The following DIPK1A variants were observed in gnomAD, a reference collection of about 807,000 sequenced individuals.
DIPK1A encodes the protein family with sequence similarity 69 member A.
DIPK1A carries 27 observed loss-of-function variants against 40.8 expected under a neutral mutation model. That is an observed-to-expected ratio of 0.66 (90% CI 0.49 to 0.91). The LOEUF is 0.91. Among genes scored for constraint, DIPK1A ranks in the 40% least tolerant of loss-of-function variants. DIPK1A has a pLI of 0.00. For missense variants in DIPK1A, 412 were observed against 505.7 expected (o/e 0.81, Z 1.78); for synonymous variants, 166 against 171.3 (o/e 0.97, Z 0.24).
At position 92,896,761 on chromosome 1, in the gene DIPK1A, C is replaced by G. The variant is rs199779828; in HGVS notation, c.55-20331G>C. Among the ~76,000 whole-genome samples, 472 of 151,238 alleles carry G rather than the reference C, an allele frequency of 3.1e-3. 4 individuals carry two copies. Among genetic ancestry groups the G allele is most frequent in the African/African-American group, 0.011 (458 of 40,824 alleles). On this transcript the variant is annotated intron_variant, in intron 1 of 4. Transcript: ENST00000370310. Reference sequence around the variant, plus strand: ...AATTTTTGCAATCTACTCATCTGACCAAGGGCTAATATCCAGAATCTACAA... The same window carrying G: ...AATTTTTGCAATCTACTCATCTGACGAAGGGCTAATATCCAGAATCTACAA...
At chr1:92,954,624 C>G (rs1303122032) in intron 1 of DIPK1A, among the ~76,000 whole-genome samples, 1 of 152,066 alleles carries the variant, frequency 6.6e-6, no homozygotes, top group Non-Finnish European at 1.5e-5. Flanking sequence ...ATCCACCTGC[C>G]TCAGCCTCTC....
intron 4 of DIPK1A, chr1:92,833,731 G>T: frequency 8.0e-7 from 1 of 1,247,610 alleles, no homozygotes; most frequent in African/African-American, 1.5e-5. Context: ...AAAGCACATG[G>T]TGTGTGTGTT....
At chr1:92,937,696 T>C (rs914394810) in intron 1 of DIPK1A, among the ~76,000 whole-genome samples, 1 of 152,182 alleles carries the variant, frequency 6.6e-6, no homozygotes, top group Non-Finnish European at 1.5e-5. Flanking sequence ...ACTGTAATTA[T>C]ACCATATACA....
chr1:92,937,505 C>T (rs999983398), intron 1 of DIPK1A, among the ~76,000 whole-genome samples: 1 of 152,024 alleles, frequency 6.6e-6, no homozygotes, highest in Non-Finnish European at 1.5e-5. Flanking sequence ...AATGGTGATC[C>T]GGAAAGAAAA....
At chr1:92,890,025 A>G (rs1648787789) in intron 1 of DIPK1A, among the ~76,000 whole-genome samples, 1 of 151,828 alleles carries the variant, frequency 6.6e-6, no homozygotes, top group Non-Finnish European at 1.5e-5. Flanking sequence ...GAGATCTTTC[A>G]TCTCCTTAAA....
At chr1:92,862,477 A>G (rs970940656) in intron 2 of DIPK1A, among the ~76,000 whole-genome samples, 8 of 152,062 alleles carry the variant, frequency 5.3e-5, no homozygotes, top group African/African-American at 1.9e-4. Context: ...TATTTCCTTC[A>G]TATCCTTTGA....
chr1:92,921,875 T>C (rs1396768271), intron 1 of DIPK1A, among the ~76,000 whole-genome samples: 1 of 152,192 alleles, frequency 6.6e-6, no homozygotes, highest in Admixed American at 6.5e-5. Flanking sequence ...TTGAAGGTCA[T>C]CAGAATGTGC....
intron 1 of DIPK1A, among the ~76,000 whole-genome samples, chr1:92,940,646 G>T (rs1651117411): frequency 6.6e-6 from 1 of 152,184 alleles, no homozygotes; most frequent in Non-Finnish European, 1.5e-5. Flanking sequence ...CAAATAATTT[G>T]AAAACTATAT....
intron 1 of DIPK1A, among the ~76,000 whole-genome samples, chr1:92,894,335 C>G (rs1283479291): frequency 2.0e-5 from 3 of 152,064 alleles, no homozygotes; most frequent in Non-Finnish European, 4.4e-5. Context: ...AACTAGAACT[C>G]AGGATTAAGA....
rs140815121 is a variant in DIPK1A at position 92,891,051 on chromosome 1, G to A, written c.55-14621C>T. Among the ~76,000 whole-genome samples the A allele has an allele frequency of 2.6e-5, 4 of 152,180 alleles. 1 individual carries two copies. The highest frequency in any genetic ancestry group is 9.6e-5 in the African/African-American group (4 of 41,528). ...CTTCTTGGTTCAATCTTGGTAGAATGTTTATGTCCAAAAATTTATCCATTT... is the reference window on the plus strand; with the variant it reads ...CTTCTTGGTTCAATCTTGGTAGAATATTTATGTCCAAAAATTTATCCATTT... On this transcript the variant is annotated intron_variant, in intron 1 of 4. Coordinates refer to ENST00000370310, the MANE Select transcript of DIPK1A (RefSeq NM_001006605.5).
rs960956112 is a variant in DIPK1A at position 92,878,297 on chromosome 1, C to A, written c.55-1867G>T. 1.1e-4 allele frequency among the ~76,000 whole-genome samples: 17 copies of A among 152,308 alleles called. No homozygotes were observed. In the East Asian group the frequency reaches 3.3e-3, roughly 29 times the overall value. On this transcript the variant is annotated intron_variant, in intron 1 of 4. Coordinates refer to ENST00000370310, the MANE Select transcript of DIPK1A (RefSeq NM_001006605.5). Reference sequence around the variant, plus strand: ...TATTAGGCTAGATCTGTAATCCCAGCACTTTCGGAGGCTGAGGTAGGAGAA... The same window carrying A: ...TATTAGGCTAGATCTGTAATCCCAGAACTTTCGGAGGCTGAGGTAGGAGAA...
At chr1:92,850,820 C>G in intron 3 of DIPK1A, 28 bp downstream of exon 3, 1 of 1,360,576 alleles carries the variant, frequency 7.3e-7, no homozygotes, top group South Asian at 1.3e-5. Context: ...CACTATAATT[C>G]TGGAATGTTT....
At chr1:92,917,955 A>G (rs1024657909) in intron 1 of DIPK1A, among the ~76,000 whole-genome samples, 9 of 152,330 alleles carry the variant, frequency 5.9e-5, no homozygotes, top group African/African-American at 2.2e-4. Context: ...TTATATAAAC[A>G]ATAAGGCAAA....
At chr1:92,899,474 A>G (rs931657177) in intron 1 of DIPK1A, among the ~76,000 whole-genome samples, 1 of 152,182 alleles carries the variant, frequency 6.6e-6, no homozygotes, top group African/African-American at 2.4e-5. Flanking sequence ...GGCAGCATAT[A>G]GCTGGTAATG....
chr1:92,861,951 T>G (rs1647297127), intron 2 of DIPK1A, among the ~76,000 whole-genome samples: 1 of 152,152 alleles, frequency 6.6e-6, no homozygotes, highest in Non-Finnish European at 1.5e-5. Context: ...GGCTAAGTTT[T>G]GTATTTTTTG....
At chr1:92,875,789 A>G (rs755892888) in intron 2 of DIPK1A, among the ~76,000 whole-genome samples, 1 of 151,836 alleles carries the variant, frequency 6.6e-6, no homozygotes, top group African/African-American at 2.4e-5. Flanking sequence ...TCAAATTTTT[A>G]AAATATAAGT....
chr1:92,948,336 G>A (rs999694726), intron 1 of DIPK1A, among the ~76,000 whole-genome samples: 1 of 152,044 alleles, frequency 6.6e-6, no homozygotes, highest in African/African-American at 2.4e-5. Flanking sequence ...TACATGAGGT[G>A]GTGGTGGCAG....
chr1:92,841,154 G>A (rs1301386322), downstream of DIPK1A, among the ~76,000 whole-genome samples: 1 of 152,130 alleles, frequency 6.6e-6, no homozygotes, highest in Non-Finnish European at 1.5e-5. Flanking sequence ...TCCTCCTGTT[G>A]GAGATTTTAT....
At chr1:92,957,277 G>A (rs1651891030) in intron 1 of DIPK1A, among the ~76,000 whole-genome samples, 1 of 152,194 alleles carries the variant, frequency 6.6e-6, no homozygotes, top group African/African-American at 2.4e-5. Context: ...CAAGTAGTAT[G>A]CACCATAATG....
Sources: allele counts gnomAD v4.1 joint callset (sites outside exome capture counted in the v4.1 genomes callset), GRCh38; gene constraint gnomAD v4.1.1; transcripts MANE v1.5; gene names NCBI Gene and HGNC (gene_info 2026-07-23, HGNC 2026-07-21).